Variants in OTOGL observed in about 807,000 individuals in gnomAD.
OTOGL encodes otogelin like.
Under a neutral mutation model 318.5 loss-of-function variants are expected in OTOGL, and 285 were observed. The ratio of observed to expected loss-of-function variants is 0.89; its 90% CI spans 0.81 to 0.99. The LOEUF is 0.99. OTOGL is among the 50% of genes least tolerant of loss of function. OTOGL has a pLI of 0.00. For missense variants in OTOGL, 2,899 were observed against 2,845.6 expected (o/e 1.02, Z -0.43); for synonymous variants, 987 against 936.5 (o/e 1.05, Z -0.99).
intron 50 of OTOGL, 147 bp downstream of exon 50, chr12:80,358,496 G>A (rs917988726): frequency 3.6e-6 from 3 of 840,352 alleles, no homozygotes; most frequent in Non-Finnish European, 5.5e-6. Flanking sequence ...TTTTGTACCT[G>A]TTTATATGTC....
intron 19 of OTOGL, 82 bp downstream of exon 19, chr12:80,262,175 T>C (rs777083844): frequency 3.9e-6 from 5 of 1,291,400 alleles, no homozygotes; most frequent in Admixed American, 2.6e-5. Context: ...TAAAATTAGA[T>C]AGTTTAAATT....
At chr12:80,350,695 A>T (rs117969945) in intron 44 of OTOGL, among the ~76,000 whole-genome samples, 1,598 of 152,254 alleles carry the variant, frequency 0.01, 7 homozygotes, top group Non-Finnish European at 0.017. Context: ...GGACATTTGC[A>T]CATCTTTTTT....
intron 4 of OTOGL, among the ~76,000 whole-genome samples, chr12:80,215,911 C>T (rs982583392): frequency 3.9e-5 from 6 of 152,130 alleles, no homozygotes; most frequent in Non-Finnish European, 7.3e-5. Flanking sequence ...GGAGATTGAA[C>T]AGTGAGGATA....
intron 1 of OTOGL, among the ~76,000 whole-genome samples, chr12:80,130,395 G>T (rs1452101522): frequency 6.6e-6 from 1 of 152,216 alleles, no homozygotes; most frequent in Non-Finnish European, 1.5e-5. Context: ...CTAAAGGTCA[G>T]AACTATGCTT....
chr12:80,343,530 T>TAAC (rs1888962463), intron 44 of OTOGL: 2 of 135,780 alleles, frequency 1.5e-5, no homozygotes, highest in African/African-American at 2.8e-5. Context: ...TTTTTTTTTT[T>TAAC]TTTTTTAACT....
intron 26 of OTOGL, among the ~76,000 whole-genome samples, chr12:80,295,210 C>A (rs1363428765): frequency 7.6e-6 from 1 of 131,136 alleles, no homozygotes; most frequent in East Asian, 2.2e-4. Context: ...AATCTGTCAC[C>A]CAGACTGGAG....
intron 1 of OTOGL, among the ~76,000 whole-genome samples, chr12:80,144,906 T>G (rs1482404869): frequency 3.0e-4 from 45 of 151,600 alleles, no homozygotes; most frequent in African/African-American, 1.1e-3. Context: ...TGGGGTTGTT[T>G]GTTTTTTTCT....
rs1333447614 is a variant in OTOGL, at chr12:80,352,451, A to G, written c.5407+15A>G. On this transcript the variant is annotated intron_variant, in intron 45 of 58. Transcript: ENST00000547103. ...TGATTACTGCTGTGAGTAACTGTTA[A>G]CTGAATATTTTTCCATCATAAATAA... is the stretch of plus-strand genomic sequence containing the variant. 2.3e-6 allele frequency: 3 copies of G among 1,284,244 alleles called. No individual in the cohort carries two copies. The highest frequency in any genetic ancestry group is 3.8e-4 in the Middle Eastern group (2 of 5,212). 79.6% of individuals were successfully genotyped at this position (1,284,244 alleles called of 1,614,324 possible).
At chr12:80,137,716 C>T (rs1254755367) in intron 1 of OTOGL, among the ~76,000 whole-genome samples, 1 of 152,152 alleles carries the variant, frequency 6.6e-6, no homozygotes, top group Non-Finnish European at 1.5e-5. Context: ...GCACTCTTGC[C>T]TCATGTTTCT....
At chr12:80,129,266 C>A (rs114868868) in intron 1 of OTOGL, among the ~76,000 whole-genome samples, 1 of 152,254 alleles carries the variant, frequency 6.6e-6, no homozygotes, top group African/African-American at 2.4e-5. Flanking sequence ...AATTAAAAAC[C>A]GTTTTCTCTG....
chr12:80,226,199 C>CACAT (rs1878832477), intron 7 of OTOGL, among the ~76,000 whole-genome samples: 1 of 151,128 alleles, frequency 6.6e-6, no homozygotes, highest in Admixed American at 6.6e-5. Flanking sequence ...CACACACACA[C>CACAT]ACACACACAC....
chr12:80,221,442 G>A (rs1878325863), intron 6 of OTOGL, among the ~76,000 whole-genome samples: 1 of 151,750 alleles, frequency 6.6e-6, no homozygotes, highest in African/African-American at 2.4e-5. Context: ...CTAATTTTTT[G>A]TATTTTAGTA....
intron 1 of OTOGL, among the ~76,000 whole-genome samples, chr12:80,172,446 T>C (rs1435717072): frequency 6.6e-6 from 1 of 152,180 alleles, no homozygotes; most frequent in African/African-American, 2.4e-5. Flanking sequence ...GTAAATCACA[T>C]GAGTGAAGTT....
intron 26 of OTOGL, among the ~76,000 whole-genome samples, chr12:80,279,588 G>A (rs1054360831): frequency 1.3e-4 from 20 of 151,254 alleles, no homozygotes; most frequent in African/African-American, 4.8e-5. Flanking sequence ...TATGATAATG[G>A]TCTCCAGCTG....
intron 1 of OTOGL, among the ~76,000 whole-genome samples, chr12:80,187,322 G>T (rs989762206): frequency 1.3e-5 from 2 of 151,966 alleles, no homozygotes; most frequent in African/African-American, 4.8e-5. Flanking sequence ...ATAGGGCCTG[G>T]CCTAGGAGGT....
intron 1 of OTOGL, among the ~76,000 whole-genome samples, chr12:80,150,577 C>A (rs1477099004): frequency 1.3e-5 from 2 of 149,892 alleles, no homozygotes; most frequent in African/African-American, 5.1e-5. Context: ...GAAGGGAAGA[C>A]CTGCAGCCTT....
intron 1 of OTOGL, among the ~76,000 whole-genome samples, chr12:80,195,522 T>G (rs888330422): frequency 6.6e-6 from 1 of 152,212 alleles, no homozygotes; most frequent in Non-Finnish European, 1.5e-5. Context: ...AATAGGCTGG[T>G]TAGTAGAATG....
At position 80,282,976 on chromosome 12, in the gene OTOGL, G is replaced by C. The variant is rs558608650; in HGVS notation, c.2928+3810G>C. Among the ~76,000 whole-genome samples the C allele has an allele frequency of 2.0e-5, 3 of 152,068 alleles. No individual in the cohort carries two copies. The East Asian group carries it at 5.8e-4, about 29-fold the overall frequency. On this transcript the variant is annotated intron_variant, in intron 26 of 58. Coordinates refer to ENST00000547103, the MANE Select transcript of OTOGL (RefSeq NM_001378609.3). The stretch of plus-strand genomic sequence containing the variant: ...TCTTGCTCATCATTGTTTCACAAGG[G>C]AGGAGCACCATGCTGGGAACATAGT...
chr12:80,249,909 G>A (rs1473209607), intron 11 of OTOGL, among the ~76,000 whole-genome samples: 2 of 152,160 alleles, frequency 1.3e-5, no homozygotes, highest in South Asian at 2.1e-4. Context: ...CAATATTCGG[G>A]TGGGAGTGAC....
Sources: allele counts gnomAD v4.1 joint callset (sites outside exome capture counted in the v4.1 genomes callset), GRCh38; gene constraint gnomAD v4.1.1; transcripts MANE v1.5; gene names NCBI Gene and HGNC (gene_info 2026-07-23, HGNC 2026-07-21).